SEPTIN7: variants seen among roughly 807,000 people sequenced by gnomAD.
SEPTIN7 encodes the protein septin 7.
Under a neutral mutation model 63.3 loss-of-function variants are expected in SEPTIN7, and 10 were observed. The ratio of observed to expected loss-of-function variants is 0.16; its 90% confidence interval spans 0.10 to 0.27. The LOEUF is 0.27. SEPTIN7 is among the 10% of genes least tolerant of loss of function. SEPTIN7 has a pLI of 1.00. For synonymous variants in SEPTIN7, 131 were observed against 165.3 expected, an observed-to-expected ratio of 0.79 and a Z score of 1.59; for missense variants, 310 against 521.0, an observed-to-expected ratio of 0.59 and a Z score of 3.94.
chr7:35,809,676 A>C (rs2115688547), intron 1 of SEPTIN7, among the ~76,000 whole-genome samples: 1 of 152,342 alleles, frequency 6.6e-6, no homozygotes, highest in South Asian at 2.1e-4. Flanking sequence ...GAGTAAAGAT[A>C]ATTATTCTAG....
At chr7:35,841,294 T>A (rs919743625) in intron 3 of SEPTIN7, among the ~76,000 whole-genome samples, 1 of 152,172 alleles carries the variant, frequency 6.6e-6, no homozygotes, top group Non-Finnish European at 1.5e-5. Context: ...AGAAATGTAA[T>A]CTTGATAATA....
At chr7:35,816,870 G>T (rs1286775395) in intron 1 of SEPTIN7, among the ~76,000 whole-genome samples, 1 of 152,068 alleles carries the variant, frequency 6.6e-6, no homozygotes, top group Admixed American at 6.5e-5. Flanking sequence ...TTCTCTGGAG[G>T]AATGTCTATT....
At chr7:35,817,354 ATAAATG>A (rs373994348) in intron 1 of SEPTIN7, among the ~76,000 whole-genome samples, 245 of 152,206 alleles carry the variant, frequency 1.6e-3, no homozygotes, top group Non-Finnish European at 2.9e-3. Flanking sequence ...ACAACTGGCC[ATAAATG>A]TAAGGGTTTT....
chr7:35,851,455 T>G (rs1784955033), intron 3 of SEPTIN7, among the ~76,000 whole-genome samples: 1 of 152,156 alleles, frequency 6.6e-6, no homozygotes, highest in South Asian at 2.1e-4. Context: ...ATTCAGAAAT[T>G]TATTTGGATT....
chr7:35,882,805 G>T (rs890829239), intron 8 of SEPTIN7, among the ~76,000 whole-genome samples: 2 of 151,994 alleles, frequency 1.3e-5, no homozygotes, highest in African/African-American at 4.8e-5. Context: ...TTATTTCAAA[G>T]TGTTTTTAAT....
chr7:35,801,394 C>G, intron 1 of SEPTIN7, 124 bp downstream of exon 1: 2 of 1,248,590 alleles, frequency 1.6e-6, no homozygotes, highest in Non-Finnish European at 2.1e-6. Flanking sequence ...CGAGGGGAGC[C>G]GGGATGGGGG....
chr7:35,846,201 C>G (rs1784658584), intron 3 of SEPTIN7, among the ~76,000 whole-genome samples: 1 of 152,138 alleles, frequency 6.6e-6, no homozygotes, highest in Non-Finnish European at 1.5e-5. Context: ...GCAAGCATTT[C>G]TCTATGTCAG....
At chr7:35,885,774 A>G in intron 9 of SEPTIN7, 54 bp from the exon 10 acceptor site, 3 of 1,371,816 alleles carry the variant, frequency 2.2e-6, no homozygotes, top group Non-Finnish European at 3.1e-6. Flanking sequence ...ATATTTTTTG[A>G]AAAGACTAGG....
intron 3 of SEPTIN7, among the ~76,000 whole-genome samples, chr7:35,859,815 T>G (rs1785407466): frequency 6.6e-6 from 1 of 152,182 alleles, no homozygotes; most frequent in Admixed American, 6.5e-5. Context: ...ACCTTTCTGG[T>G]TACTATTTGC....
Position 35,837,689 on chromosome 7 carries a change from C to T in SEPTIN7, c.169+4789C>T, listed in dbSNP as rs543981028. Among the ~76,000 whole-genome samples, 6 of 152,176 alleles carry T rather than the reference C, an allele frequency of 3.9e-5. No individual in the cohort carries two copies. In the South Asian group the frequency reaches 6.2e-4, roughly 16 times the overall value. ...TTGGATATTAATCTGATTCCTAAAACGTGGTATCTTATTTTCATCTGTATT... is the reference window on the plus strand; with the variant it reads ...TTGGATATTAATCTGATTCCTAAAATGTGGTATCTTATTTTCATCTGTATT... On this transcript the variant is annotated intron_variant, in intron 3 of 13. Transcript: ENST00000350320.
At chr7:35,820,054 T>G (rs1312547405) in intron 1 of SEPTIN7, among the ~76,000 whole-genome samples, 1 of 151,972 alleles carries the variant, frequency 6.6e-6, no homozygotes, top group African/African-American at 2.4e-5. Context: ...ATAGCTCACT[T>G]GGTTGACAGT....
At chr7:35,805,640 T>C (rs1299788448) in intron 1 of SEPTIN7, among the ~76,000 whole-genome samples, 1 of 152,188 alleles carries the variant, frequency 6.6e-6, no homozygotes, top group African/African-American at 2.4e-5. Context: ...ATACTATACT[T>C]TGAAAGCTGA....
At chr7:35,841,446 A>C (rs1784403399) in intron 3 of SEPTIN7, among the ~76,000 whole-genome samples, 1 of 152,230 alleles carries the variant, frequency 6.6e-6, no homozygotes, top group Non-Finnish European at 1.5e-5. Context: ...ATAATACAAG[A>C]AACTCCAGTG....
chr7:35,883,753 T>C, intron 8 of SEPTIN7, 138 bp from the exon 9 acceptor site: 1 of 499,030 alleles, frequency 2.0e-6, no homozygotes, highest in Non-Finnish European at 3.6e-6. Context: ...TTAAATGGCC[T>C]ATAAAAACTA....
chr7:35,888,823 CAAAAAAA>C (rs70974780), intron 10 of SEPTIN7: 58 of 187,720 alleles, frequency 3.1e-4, no homozygotes, highest in South Asian at 5.1e-4. Context: ...GACCCTGTAT[CAAAAAAA>C]AAAAAAAAAA....
intron 3 of SEPTIN7, among the ~76,000 whole-genome samples, chr7:35,836,636 T>C (rs1399560150): frequency 1.3e-5 from 2 of 152,184 alleles, no homozygotes; most frequent in East Asian, 3.8e-4. Flanking sequence ...TTTTGGTATA[T>C]GCCTTATCAG....
chr7:35,817,281 C>A (rs1789131381), intron 1 of SEPTIN7, among the ~76,000 whole-genome samples: 1 of 152,024 alleles, frequency 6.6e-6, no homozygotes, highest in South Asian at 2.1e-4. Context: ...CCAGTAGTTT[C>A]ATCACTCATT....
chr7:35,915,123 GTATATATACA>G, the SEPTIN7 span, among the ~76,000 whole-genome samples: 1 of 151,446 alleles, frequency 6.6e-6, no homozygotes, highest in Non-Finnish European at 1.5e-5. Flanking sequence ...GTATACATGT[GTATATATACA>G]TGCATATACA....
At chr7:35,829,470 G>A (rs995026914) in intron 1 of SEPTIN7, among the ~76,000 whole-genome samples, 2 of 152,022 alleles carry the variant, frequency 1.3e-5, no homozygotes, top group African/African-American at 2.4e-5. Flanking sequence ...ATGGTTTCCC[G>A]CTTTCCACAA....
Sources: allele counts gnomAD v4.1 joint callset (sites outside exome capture counted in the v4.1 genomes callset), GRCh38; gene constraint gnomAD v4.1.1; transcripts MANE v1.5; gene names NCBI Gene and HGNC (gene_info 2026-07-23, HGNC 2026-07-21).